NAV3: variants seen among roughly 807,000 people sequenced by gnomAD.
NAV3 encodes pore membrane and/or filament interacting like protein 1.
A neutral mutation model predicts 244.7 loss-of-function variants in NAV3; 87 were observed. The observed-to-expected ratio is 0.36, with a 90% CI of 0.30 to 0.42. NAV3 has a LOEUF of 0.42. Ranked by LOEUF, NAV3 falls within the 20% of genes least tolerant of loss-of-function variation. The pLI is 1.00. For synonymous variants in NAV3, 1,126 were observed against 1,042.2 expected (o/e 1.08, Z -1.55); for missense variants, 2,663 against 2,893.3 (o/e 0.92, Z 1.83).
At chr12:78,160,253 C>A (rs1957471383) in intron 23 of NAV3, among the ~76,000 whole-genome samples, 1 of 152,118 alleles carries the variant, frequency 6.6e-6, no homozygotes, top group South Asian at 2.1e-4. Context: ...AAGGTCCATA[C>A]TGCATAGAAA....
intron 3 of NAV3, among the ~76,000 whole-genome samples, chr12:77,951,239 C>T (rs1358250305): frequency 6.6e-6 from 1 of 152,034 alleles, no homozygotes; most frequent in African/African-American, 2.4e-5. Flanking sequence ...AACAAATAAC[C>T]CCATCAACAA....
chr12:78,189,445 A>G (rs976466316), intron 33 of NAV3, among the ~76,000 whole-genome samples: 6 of 151,854 alleles, frequency 4.0e-5, no homozygotes, highest in African/African-American at 1.4e-4. Context: ...GCCAAACGTA[A>G]CAATTTGTAT....
At chr12:77,988,788 T>C (rs1045765496) in intron 5 of NAV3, among the ~76,000 whole-genome samples, 1 of 152,180 alleles carries the variant, frequency 6.6e-6, no homozygotes, top group Admixed American at 6.5e-5. Flanking sequence ...TGTGTCTACA[T>C]GTCACCTGTG....
chr12:77,786,297 T>C (rs1870903059), intron 2 of NAV3, among the ~76,000 whole-genome samples: 3 of 152,320 alleles, frequency 2.0e-5, no homozygotes, highest in South Asian at 4.1e-4. Context: ...TTGTTTTTTT[T>C]CCTAAAACTT....
intron 6 of NAV3, among the ~76,000 whole-genome samples, chr12:77,995,566 T>A (rs1332418450): frequency 6.6e-6 from 1 of 152,190 alleles, no homozygotes. Context: ...CTTTGTGTCA[T>A]CTCACTCACT....
rs1341561690 is a variant in NAV3, at chr12:77,990,807, A to C, written c.672-3996A>C. ...ATAAGACTCTATAGGTTTTCCCTTCATAATTTTTCTTGCAATTTATTTGTT... is the reference window on the plus strand; with the variant it reads ...ATAAGACTCTATAGGTTTTCCCTTCCTAATTTTTCTTGCAATTTATTTGTT... On this transcript the variant is annotated intron_variant, in intron 5 of 39. Coordinates refer to ENST00000397909, the MANE Select transcript of NAV3 (RefSeq NM_001024383.2). Among the ~76,000 whole-genome samples, 3 of 152,034 alleles carry C rather than the reference A, an allele frequency of 2.0e-5. No homozygotes were observed. In the East Asian group the frequency reaches 5.8e-4, roughly 29 times the overall value.
At chr12:77,717,238 G>C (rs1026741138) in intron 2 of NAV3, among the ~76,000 whole-genome samples, 14 of 152,002 alleles carry the variant, frequency 9.2e-5, no homozygotes, top group Middle Eastern at 3.4e-3. Context: ...TTTTCTTCCT[G>C]CATGACCAAA....
chr12:78,112,573 A>G (rs926710213), intron 12 of NAV3, among the ~76,000 whole-genome samples: 6 of 152,148 alleles, frequency 3.9e-5, no homozygotes, highest in African/African-American at 1.2e-4. Context: ...TTATAAAACT[A>G]TCAAATCCCA....
At chr12:78,029,179 CAAAA>C (rs149050506) in intron 9 of NAV3, among the ~76,000 whole-genome samples, 6 of 128,774 alleles carry the variant, frequency 4.7e-5, no homozygotes, top group Admixed American at 7.6e-5. Context: ...CTACCTATTC[CAAAA>C]AAAAAAAAAA....
chr12:78,165,968 CA>C (rs5799376), intron 23 of NAV3, among the ~76,000 whole-genome samples: 190 of 144,206 alleles, frequency 1.3e-3, no homozygotes, highest in African/African-American at 1.9e-3. Flanking sequence ...CACCCTCCTG[CA>C]AAAAAAAAAA....
intron 28 of NAV3, 60 bp downstream of exon 28, chr12:78,177,745 T>C (rs1244179597): frequency 5.7e-5 from 83 of 1,459,546 alleles, no homozygotes; most frequent in Non-Finnish European, 6.0e-5. Context: ...TAAGTAGTGT[T>C]TGCTTTTGCT....
chr12:77,636,072 C>T (rs1350018119), intron 2 of NAV3, among the ~76,000 whole-genome samples: 3 of 152,138 alleles, frequency 2.0e-5, no homozygotes, highest in Admixed American at 1.3e-4. Context: ...GACCAGCAAA[C>T]ATATTATAAA....
chr12:77,679,523 A>G (rs1874354865), intron 2 of NAV3, among the ~76,000 whole-genome samples: 1 of 151,374 alleles, frequency 6.6e-6, no homozygotes, highest in African/African-American at 2.5e-5. Context: ...CTGGATCTCA[A>G]AAGAGAGGCC....
At chr12:78,193,774 C>G (rs1959083244) in intron 34 of NAV3, among the ~76,000 whole-genome samples, 1 of 152,024 alleles carries the variant, frequency 6.6e-6, no homozygotes, top group East Asian at 1.9e-4. Flanking sequence ...ATCAGATTCC[C>G]AGGGGATCCA....
intron 15 of NAV3, 87 bp from the exon 16 acceptor site, chr12:78,121,853 C>T: frequency 6.6e-7 from 1 of 1,521,038 alleles, no homozygotes; most frequent in Non-Finnish European, 8.9e-7. Context: ...TCAAAGCACA[C>T]TTGGCTCTGT....
intron 12 of NAV3, among the ~76,000 whole-genome samples, chr12:78,104,430 G>A (rs958701735): frequency 2.6e-5 from 4 of 152,044 alleles, no homozygotes; most frequent in Non-Finnish European, 5.9e-5. Flanking sequence ...TAAAAAGCAG[G>A]CAAAAGGCAA....
chr12:77,991,781 C>T (rs1871483998), intron 5 of NAV3, among the ~76,000 whole-genome samples: 1 of 152,046 alleles, frequency 6.6e-6, no homozygotes, highest in South Asian at 2.1e-4. Flanking sequence ...ACTTGTAATC[C>T]CAGCACTTTG....
chr12:77,881,506 T>C (rs1402200783), intron 1 of NAV3, among the ~76,000 whole-genome samples: 1 of 152,124 alleles, frequency 6.6e-6, no homozygotes, highest in African/African-American at 2.4e-5. Flanking sequence ...GCTATTCTTC[T>C]TGAAAACTGG....
intron 38 of NAV3, among the ~76,000 whole-genome samples, chr12:78,204,675 T>C (rs1056483220): frequency 6.6e-6 from 1 of 152,146 alleles, no homozygotes; most frequent in Admixed American, 6.6e-5. Context: ...TTATTTATAA[T>C]AAACCTCCCG....
Sources: allele counts gnomAD v4.1 joint callset (sites outside exome capture counted in the v4.1 genomes callset), GRCh38; gene constraint gnomAD v4.1.1; transcripts MANE v1.5; gene names NCBI Gene and HGNC (gene_info 2026-07-23, HGNC 2026-07-21).